MAGI2: variants seen among roughly 807,000 people sequenced by gnomAD.
The protein encoded by MAGI2 is membrane associated guanylate kinase, WW and PDZ domain containing 2.
A neutral mutation model predicts 133.3 loss-of-function variants in MAGI2; 35 were observed. That is an observed-to-expected ratio of 0.26 (90% CI 0.20 to 0.35). The LOEUF (loss-of-function observed/expected upper bound fraction) is 0.35. Ranked by LOEUF, MAGI2 falls within the 10% of genes least tolerant of loss-of-function variation. The pLI is 1.00. For synonymous variants in MAGI2, 729 were observed against 710.6 expected (o/e 1.03, Z -0.41); for missense variants, 1,636 against 1,863.4 (o/e 0.88, Z 2.25).
chr7:78,758,028 T>A (rs1301041612), intron 2 of MAGI2, among the ~76,000 whole-genome samples: 1 of 152,062 alleles, frequency 6.6e-6, no homozygotes, highest in Non-Finnish European at 1.5e-5. Flanking sequence ...CACAGATAGC[T>A]CTCTCACTTC....
chr7:78,983,791 C>CTT lies in MAGI2; in HGVS notation c.418+23298_418+23299insAA, dbSNP rs1562750380. On this transcript the variant is annotated intron_variant, in intron 2 of 21. Coordinates refer to ENST00000354212, the MANE Select transcript of MAGI2 (RefSeq NM_012301.4). ...CTTGCTGGTTCCCTTTGCAACTCTCCATCTAAAATTGAAGTACCTAGGGCT... is the reference window on the plus strand; with the variant it reads ...CTTGCTGGTTCCCTTTGCAACTCTCCTTATCTAAAATTGAAGTACCTAGGGCT... Among the ~76,000 whole-genome samples, 473 of 151,890 alleles carry CTT rather than the reference C, an allele frequency of 3.1e-3. 3 individuals are homozygous for CTT. Among genetic ancestry groups the CTT allele is most frequent in the African/African-American group, 0.011 (459 of 41,454 alleles).
intron 1 of MAGI2, among the ~76,000 whole-genome samples, chr7:79,285,685 T>C (rs1325414248): frequency 1.3e-5 from 2 of 152,108 alleles, no homozygotes. Flanking sequence ...GTGGATATCA[T>C]TACATTTTAC....
intron 6 of MAGI2, among the ~76,000 whole-genome samples, chr7:78,397,265 A>C (rs1321615750): frequency 6.6e-6 from 1 of 152,012 alleles, no homozygotes; most frequent in Non-Finnish European, 1.5e-5. Context: ...GAAAAAGAAG[A>C]AGCAGAGAAG....
intron 15 of MAGI2, among the ~76,000 whole-genome samples, chr7:78,162,524 CAAA>C (rs773765110): frequency 3.7e-5 from 2 of 54,776 alleles, no homozygotes; most frequent in Non-Finnish European, 7.1e-5. Flanking sequence ...GACTCTGCCT[CAAA>C]AAAAAAAAAC....
chr7:78,342,698 CTA>C (rs1475723608), intron 9 of MAGI2, among the ~76,000 whole-genome samples: 1 of 152,122 alleles, frequency 6.6e-6, no homozygotes, highest in Non-Finnish European at 1.5e-5. Flanking sequence ...TCTTAGCAAA[CTA>C]ACACAAAAAC....
At chr7:79,445,119 A>G (rs1305337425) in intron 1 of MAGI2, among the ~76,000 whole-genome samples, 1 of 152,224 alleles carries the variant, frequency 6.6e-6, no homozygotes, top group Non-Finnish European at 1.5e-5. Flanking sequence ...CATATGTAGA[A>G]AGCTGAAACT....
intron 1 of MAGI2, among the ~76,000 whole-genome samples, chr7:79,328,568 T>C (rs1010135379): frequency 6.6e-6 from 1 of 152,188 alleles, no homozygotes; most frequent in Admixed American, 6.5e-5. Flanking sequence ...TAACATCAAA[T>C]GCAAATTCAG....
At chr7:78,658,404 C>A (rs1161442395) in intron 2 of MAGI2, among the ~76,000 whole-genome samples, 1 of 152,124 alleles carries the variant, frequency 6.6e-6, no homozygotes, top group African/African-American at 2.4e-5. Context: ...TCTTTGGGAT[C>A]TAGGACTAGG....
intron 2 of MAGI2, among the ~76,000 whole-genome samples, chr7:78,849,315 A>G (rs771660516): frequency 3.9e-5 from 6 of 152,038 alleles, no homozygotes; most frequent in Non-Finnish European, 8.8e-5. Context: ...TATCTTGGAT[A>G]TGGAATAGCA....
chr7:78,564,783 C>CT (rs35069216), intron 3 of MAGI2, among the ~76,000 whole-genome samples: 21,525 of 63,734 alleles, frequency 0.34, 7,847 homozygotes, highest in South Asian at 0.44. Flanking sequence ...CTTTGACATT[C>CT]TTTTTTTTTT....
intron 2 of MAGI2, among the ~76,000 whole-genome samples, chr7:78,966,357 G>T (rs1382831389): frequency 6.6e-6 from 1 of 151,900 alleles, no homozygotes; most frequent in Non-Finnish European, 1.5e-5. Context: ...TCTACTCCTG[G>T]CAATCGTCAT....
intron 1 of MAGI2, among the ~76,000 whole-genome samples, chr7:79,139,577 G>C (rs991897056): frequency 6.6e-6 from 1 of 152,094 alleles, no homozygotes; most frequent in African/African-American, 2.4e-5. Context: ...TGAGACAAAT[G>C]GGAGGTTGTA....
intron 12 of MAGI2, 70 bp downstream of exon 12, chr7:78,194,804 C>G: frequency 7.8e-7 from 1 of 1,276,196 alleles, no homozygotes; most frequent in East Asian, 2.5e-5. Context: ...GATCATTCAG[C>G]CTCAATATAT....
chr7:79,399,363 G>A (rs1345830971), intron 1 of MAGI2, among the ~76,000 whole-genome samples: 5 of 151,816 alleles, frequency 3.3e-5, no homozygotes, highest in African/African-American at 4.8e-5. Context: ...CAAAGTGCTG[G>A]GATTACAGGC....
chr7:78,630,638 A>G (rs1050429196), intron 2 of MAGI2, among the ~76,000 whole-genome samples: 3 of 151,790 alleles, frequency 2.0e-5, no homozygotes, highest in Admixed American at 2.0e-4. Flanking sequence ...GCTGGTCTCA[A>G]TCTCCTGACC....
intron 2 of MAGI2, among the ~76,000 whole-genome samples, chr7:78,815,146 A>G (rs187788634): frequency 1.3e-5 from 2 of 152,298 alleles, no homozygotes; most frequent in Admixed American, 1.3e-4. Context: ...GGCATGAAAA[A>G]AGCTGTAAGT....
At chr7:78,736,459 T>C (rs1052047980) in intron 2 of MAGI2, among the ~76,000 whole-genome samples, 2 of 152,180 alleles carry the variant, frequency 1.3e-5, no homozygotes, top group African/African-American at 2.4e-5. Flanking sequence ...GTCCAAACAA[T>C]ATGCAATGCA....
At chr7:78,618,553 C>G (rs898845174) in intron 3 of MAGI2, 2 of 151,776 alleles carry the variant, frequency 1.3e-5, no homozygotes, top group Non-Finnish European at 2.9e-5. Flanking sequence ...TTTTCTTCTT[C>G]CCACTCAAAG....
intron 1 of MAGI2, among the ~76,000 whole-genome samples, chr7:79,248,923 G>A (rs1193350766): frequency 6.6e-6 from 1 of 151,954 alleles, no homozygotes; most frequent in African/African-American, 2.4e-5. Flanking sequence ...GAGTGCAATG[G>A]CACAATCTCG....
Sources: allele counts gnomAD v4.1 joint callset (sites outside exome capture counted in the v4.1 genomes callset), GRCh38; gene constraint gnomAD v4.1.1; transcripts MANE v1.5; gene names NCBI Gene and HGNC (gene_info 2026-07-23, HGNC 2026-07-21).